HERC4: variants seen among roughly 807,000 people sequenced by gnomAD.
The protein encoded by HERC4 is probable E3 ubiquitin-protein ligase HERC4.
HERC4 carries 28 observed loss-of-function variants against 124.3 expected under a neutral mutation model. The ratio of observed to expected loss-of-function variants is 0.23; its 90% CI spans 0.17 to 0.31. The LOEUF (loss-of-function observed/expected upper bound fraction) is 0.31. Among genes scored for constraint, HERC4 ranks in the 10% least tolerant of loss-of-function variants. The probability of loss-of-function intolerance (pLI) is 1.00; values close to 1 mark genes in which losing one functional copy is unlikely to be tolerated. For missense variants in HERC4, 713 were observed against 1,229.3 expected, an observed-to-expected ratio of 0.58 and a Z score of 6.28; for synonymous variants, 407 against 421.5, an observed-to-expected ratio of 0.97 and a Z score of 0.42.
At chr10:67,993,920 G>A (rs2036703025) in intron 9 of HERC4, 1 of 152,102 alleles carries the variant, frequency 6.6e-6, no homozygotes, top group Non-Finnish European at 1.5e-5. Context: ...GACCATGGCT[G>A]CTATAGAATT....
At chr10:67,985,328 T>C (rs1304205970) in intron 15 of HERC4, among the ~76,000 whole-genome samples, 1 of 152,232 alleles carries the variant, frequency 6.6e-6, no homozygotes, top group Non-Finnish European at 1.5e-5. Context: ...GTAGGCACTC[T>C]ATTTGCAAAA....
intron 15 of HERC4, among the ~76,000 whole-genome samples, chr10:67,980,464 A>T (rs1379732865): frequency 6.6e-6 from 1 of 152,190 alleles, no homozygotes; most frequent in Non-Finnish European, 1.5e-5. Context: ...AGACAAACAA[A>T]AGCTGAGGAA....
chr10:67,994,183 T>G (rs2036720216), intron 9 of HERC4: 1 of 152,168 alleles, frequency 6.6e-6, no homozygotes, highest in Non-Finnish European at 1.5e-5. Context: ...AAAGGGTAAA[T>G]CTTTATTAAA....
intron 16 of HERC4, among the ~76,000 whole-genome samples, chr10:67,958,285 A>G (rs747876854): frequency 1.3e-5 from 2 of 152,180 alleles, no homozygotes; most frequent in African/African-American, 2.4e-5. Context: ...CCTCCATCCT[A>G]TATTTGTGGC....
At chr10:67,980,056 C>T (rs561521556) in intron 15 of HERC4, among the ~76,000 whole-genome samples, 1 of 152,296 alleles carries the variant, frequency 6.6e-6, no homozygotes, top group African/African-American at 2.4e-5. Context: ...AATGGCATGA[C>T]ATTTAAAGTA....
intron 16 of HERC4, among the ~76,000 whole-genome samples, chr10:67,958,286 T>C (rs1397500333): frequency 1.3e-5 from 2 of 152,218 alleles, no homozygotes; most frequent in Non-Finnish European, 2.9e-5. Flanking sequence ...CTCCATCCTA[T>C]ATTTGTGGCA....
intron 21 of HERC4, 56 bp downstream of exon 21, chr10:67,939,532 C>T: frequency 8.5e-7 from 1 of 1,181,408 alleles, no homozygotes; most frequent in Non-Finnish European, 1.2e-6. Context: ...TAAGACACGG[C>T]TGTTAAATAA....
intron 3 of HERC4, chr10:68,067,360 T>C (rs2041350257): frequency 6.6e-6 from 1 of 152,556 alleles, no homozygotes; most frequent in African/African-American, 2.4e-5. Context: ...CCTCCACTCC[T>C]GACCCAAGTA....
At chr10:68,009,742 G>A (rs2037820028) in intron 9 of HERC4, among the ~76,000 whole-genome samples, 2 of 152,074 alleles carry the variant, frequency 1.3e-5, no homozygotes, top group African/African-American at 2.4e-5. Context: ...TTTTACCCAC[G>A]GAACTGCTTT....
At chr10:67,934,640 T>C (rs2032167121) in intron 22 of HERC4, among the ~76,000 whole-genome samples, 2 of 152,178 alleles carry the variant, frequency 1.3e-5, no homozygotes, top group South Asian at 4.1e-4. Context: ...TGTATAAAAA[T>C]GTTTTTAAAC....
In HERC4 at chr10:67,990,944, T is replaced by C. The variant is rs765764303; in HGVS notation, c.1403A>G (p.His468Arg). The C allele has an allele frequency of 5.6e-6, 9 of 1,609,112 alleles. No individual in the cohort carries two copies. In the East Asian group the frequency reaches 1.3e-4, roughly 24 times the overall value. Residue 468 changes from histidine to arginine, a missense_variant, in exon 13 of 25, where the codon CAC becomes CGC. His to Arg is a conservative substitution (Grantham distance 29). Coordinates refer to ENST00000373700, the MANE Select transcript of HERC4 (RefSeq NM_015601.4). ...VDMNAARLLF[H>R]KLIQPDHPQI... ...CGGATGATCAGGTTGTATAAGTTTG[T>C]GGAATAAAAGCCTAGCAGCATTCAT...
At chr10:68,054,971 G>A (rs969475993) in intron 3 of HERC4, among the ~76,000 whole-genome samples, 8 of 152,154 alleles carry the variant, frequency 5.3e-5, no homozygotes, top group Non-Finnish European at 8.8e-5. Flanking sequence ...TGCCCAGGCT[G>A]GAGTGCAGTG....
At chr10:67,951,056 G>A (rs1232205674) in intron 19 of HERC4, among the ~76,000 whole-genome samples, 1 of 152,150 alleles carries the variant, frequency 6.6e-6, no homozygotes, top group Non-Finnish European at 1.5e-5. Flanking sequence ...AGTAGAGCCG[G>A]CTCCAAGGGG....
At chr10:67,994,345 T>C (rs536013618) in intron 9 of HERC4, 5 of 152,228 alleles carry the variant, frequency 3.3e-5, no homozygotes, top group Non-Finnish European at 7.3e-5. Context: ...TACAAGATGG[T>C]TGACTAATCT....
At chr10:67,966,191 C>T (rs2132443085) in intron 16 of HERC4, 1 of 153,918 alleles carries the variant, frequency 6.5e-6, no homozygotes, top group Non-Finnish European at 1.4e-5. Context: ...GTTGCCGAGG[C>T]TGGTCTTGAA....
intron 9 of HERC4, among the ~76,000 whole-genome samples, chr10:68,003,865 G>C (rs2037384467): frequency 6.6e-6 from 1 of 151,896 alleles, no homozygotes; most frequent in Non-Finnish European, 1.5e-5. Context: ...CTTTCTTTTG[G>C]GTGTATACCC....
rs774446595 is a variant in HERC4 at position 67,992,689 on chromosome 10, T to C, written c.1070-7A>G. 6.5e-6 allele frequency: 9 copies of C among 1,387,786 alleles called. No homozygotes were observed. The African/African-American group carries it at 7.2e-5, about 11-fold the overall frequency. 86.0% of individuals were successfully genotyped at this position (1,387,786 alleles called of 1,614,324 possible). A position where few individuals can be genotyped will look rare whatever the true frequency, so the allele number is the denominator to read the frequency against. ...CAGAAATATTCTTCAGAATCTGTAATAAAAATGTAAAAAATTAAAAGCCAA... is the reference window on the plus strand; with the variant it reads ...CAGAAATATTCTTCAGAATCTGTAACAAAAATGTAAAAAATTAAAAGCCAA... On this transcript the variant is annotated splice_polypyrimidine_tract_variant and splice_region_variant and intron_variant, in intron 9 of 24. Coordinates refer to ENST00000373700, the MANE Select transcript of HERC4 (RefSeq NM_015601.4).
At position 67,988,728 on chromosome 10, in the gene HERC4, A is replaced by G; in HGVS notation, c.1741T>C (p.Ser581Pro). The G allele has an allele frequency of 6.2e-7, 1 of 1,601,606 alleles. No homozygotes were observed. Among genetic ancestry groups the G allele is most frequent in the South Asian group, 1.1e-5 (1 of 88,366 alleles). The part of the protein sequence containing the change: ...LKLYKIGIPP[S>P]ERRIFNSFLH... ...AAACTGTTGAAAATTCTTCTTTCAG[A>G]AGGGGGAATACCGATCTTGTAGAGT... The change falls in exon 15 of 25, where the codon TCT (serine) becomes CCT (proline). Residue 581 changes from serine to proline, a missense_variant. Physicochemically the swap from Ser to Pro is moderately conservative, Grantham distance 74. Transcript: ENST00000373700.
intron 22 of HERC4, among the ~76,000 whole-genome samples, chr10:67,933,950 T>C (rs538711106): frequency 6.6e-6 from 1 of 152,294 alleles, no homozygotes; most frequent in South Asian, 2.1e-4. Context: ...ACCAACTCCC[T>C]GGCAACAGCC....
Sources: allele counts gnomAD v4.1 joint callset (sites outside exome capture counted in the v4.1 genomes callset), GRCh38; gene constraint gnomAD v4.1.1; transcripts MANE v1.5; gene names NCBI Gene and HGNC (gene_info 2026-07-23, HGNC 2026-07-21).